Variants in EFCAB11 observed in about 807,000 individuals in gnomAD.
EFCAB11 encodes EF-hand calcium binding domain 11.
A neutral mutation model predicts 23.0 loss-of-function variants in EFCAB11; 14 were observed. The observed-to-expected ratio is 0.61, with a 90% confidence interval of 0.40 to 0.95. The LOEUF is 0.95. Among genes scored for constraint, EFCAB11 ranks in the 40% least tolerant of loss-of-function variants. The pLI is 0.00. For missense variants in EFCAB11, 198 were observed against 195.8 expected (o/e 1.01, Z -0.07); for synonymous variants, 65 against 66.6 (o/e 0.98, Z 0.11).
chr14:89,865,858 G>T (rs1476964510), intron 5 of EFCAB11, among the ~76,000 whole-genome samples: 1 of 151,954 alleles, frequency 6.6e-6, no homozygotes, highest in Non-Finnish European at 1.5e-5. Context: ...ACTAGAGATG[G>T]GGTTTCACCA....
intron 5 of EFCAB11, among the ~76,000 whole-genome samples, chr14:89,843,795 C>T (rs1009266483): frequency 7.9e-5 from 12 of 152,160 alleles, no homozygotes; most frequent in Non-Finnish European, 1.0e-4. Context: ...ATCTTCTAAA[C>T]GTTAGCACAT....
At chr14:89,810,746 A>G (rs944065407) in intron 5 of EFCAB11, among the ~76,000 whole-genome samples, 35 of 118,062 alleles carry the variant, frequency 3.0e-4, no homozygotes, top group Admixed American at 1.2e-3. Context: ...ACAAAGTGAG[A>G]CTCCGTCTCA....
At chr14:89,820,759 T>C (rs1886489841) in intron 5 of EFCAB11, among the ~76,000 whole-genome samples, 1 of 152,130 alleles carries the variant, frequency 6.6e-6, no homozygotes, top group African/African-American at 2.4e-5. Context: ...GGTATAAAAA[T>C]GAGTAATAGA....
At chr14:89,922,121 A>G (rs933837022) in intron 5 of EFCAB11, among the ~76,000 whole-genome samples, 12 of 152,258 alleles carry the variant, frequency 7.9e-5, no homozygotes, top group African/African-American at 2.9e-4. Flanking sequence ...GAATTAAAAG[A>G]AAAATAGCCC....
chr14:89,878,771 T>A (rs1477686358), intron 5 of EFCAB11, among the ~76,000 whole-genome samples: 1 of 152,168 alleles, frequency 6.6e-6, no homozygotes, highest in African/African-American at 2.4e-5. Flanking sequence ...GTGGGTCATT[T>A]ATCTCAAACT....
chr14:89,816,025 G>T (rs964267726), intron 5 of EFCAB11, among the ~76,000 whole-genome samples: 1 of 152,118 alleles, frequency 6.6e-6, no homozygotes, highest in Admixed American at 6.5e-5. Flanking sequence ...TGAGCATGGG[G>T]TATCTATTTT....
chr14:89,954,069 A>T, intron 1 of EFCAB11, 68 bp from the exon 2 acceptor site: 1 of 1,377,580 alleles, frequency 7.3e-7, no homozygotes, highest in Non-Finnish European at 1.0e-6. Context: ...AGTTTATTAT[A>T]CAGTTTGGAC....
chr14:89,877,505 T>A (rs1888476656), intron 5 of EFCAB11, among the ~76,000 whole-genome samples: 1 of 152,204 alleles, frequency 6.6e-6, no homozygotes, highest in Non-Finnish European at 1.5e-5. Flanking sequence ...GCACATGATC[T>A]TATTTCCTTG....
chr14:89,878,943 T>C (rs537494425), intron 5 of EFCAB11, among the ~76,000 whole-genome samples: 3 of 152,260 alleles, frequency 2.0e-5, no homozygotes, highest in Admixed American at 2.0e-4. Flanking sequence ...GGCTATACAT[T>C]TCATTATCTT....
intron 5 of EFCAB11, among the ~76,000 whole-genome samples, chr14:89,897,670 C>T (rs762324938): frequency 3.3e-5 from 5 of 152,148 alleles, no homozygotes; most frequent in Non-Finnish European, 7.4e-5. Flanking sequence ...TTGTTAAACA[C>T]ACTAACTTAA....
At chr14:89,816,209 T>C (rs1566769299) in intron 5 of EFCAB11, among the ~76,000 whole-genome samples, 1 of 152,210 alleles carries the variant, frequency 6.6e-6, no homozygotes, top group African/African-American at 2.4e-5. Context: ...CATATATAAA[T>C]GGTACTGATT....
At chr14:89,852,184 A>G (rs74080150) in intron 5 of EFCAB11, among the ~76,000 whole-genome samples, 2,199 of 152,332 alleles carry the variant, frequency 0.014, 60 homozygotes, top group African/African-American at 0.051. Flanking sequence ...AAGAAGATCA[A>G]ATACAATGAG....
chr14:89,806,974 TATATAA>T (rs1298712177), intron 5 of EFCAB11, among the ~76,000 whole-genome samples: 1 of 152,324 alleles, frequency 6.6e-6, no homozygotes. Context: ...AACATAAGCA[TATATAA>T]ATATAAAGAA....
At chr14:89,934,203 T>C (rs950917363) in intron 3 of EFCAB11, among the ~76,000 whole-genome samples, 4 of 152,128 alleles carry the variant, frequency 2.6e-5, no homozygotes, top group Non-Finnish European at 5.9e-5. Flanking sequence ...ATTATCCTGA[T>C]AAAAGGACGG....
intron 5 of EFCAB11, among the ~76,000 whole-genome samples, chr14:89,874,756 G>A (rs946644555): frequency 9.2e-5 from 14 of 152,136 alleles, no homozygotes; most frequent in Non-Finnish European, 1.3e-4. Flanking sequence ...GCCGGGCGCC[G>A]TGGCAGGCCC....
At chr14:89,946,028 C>T (rs1427017416) in intron 3 of EFCAB11, among the ~76,000 whole-genome samples, 2 of 151,554 alleles carry the variant, frequency 1.3e-5, no homozygotes, top group South Asian at 2.1e-4. Flanking sequence ...AAATGATTCT[C>T]GTGCCTCAGC....
intron 5 of EFCAB11, among the ~76,000 whole-genome samples, chr14:89,919,000 T>C (rs775614166): frequency 4.1e-5 from 6 of 147,236 alleles, no homozygotes; most frequent in Non-Finnish European, 7.5e-5. Context: ...AGGACCAGGG[T>C]GGGGGAACTG....
At chr14:89,906,282 C>G (rs1367717692) in intron 5 of EFCAB11, among the ~76,000 whole-genome samples, 1 of 152,132 alleles carries the variant, frequency 6.6e-6, no homozygotes, top group Non-Finnish European at 1.5e-5. Flanking sequence ...CCCAATAACT[C>G]TTTTCTGTCA....
chr14:89,879,482 T>C (rs915807117), intron 5 of EFCAB11, among the ~76,000 whole-genome samples: 1 of 151,722 alleles, frequency 6.6e-6, no homozygotes, highest in Admixed American at 6.6e-5. Context: ...TTTATCTGGC[T>C]ATGGTAAGCT....
Sources: allele counts gnomAD v4.1 joint callset (sites outside exome capture counted in the v4.1 genomes callset), GRCh38; gene constraint gnomAD v4.1.1; transcripts MANE v1.5; gene names NCBI Gene and HGNC (gene_info 2026-07-23, HGNC 2026-07-21).